Variants in CAAP1 observed in about 807,000 individuals in gnomAD.
CAAP1 encodes conserved anti-apoptotic protein.
CAAP1 carries 20 observed loss-of-function variants against 34.0 expected under a neutral mutation model. That is an observed-to-expected ratio of 0.59 (90% CI 0.41 to 0.86). CAAP1 has a LOEUF of 0.86. CAAP1 is among the 40% of genes least tolerant of loss of function. The pLI is 0.00. For missense variants in CAAP1, 538 were observed against 450.5 expected (o/e 1.19, Z -1.76); for synonymous variants, 213 against 166.7 (o/e 1.28, Z -2.14).
intron 4 of CAAP1, among the ~76,000 whole-genome samples, chr9:26,868,916 C>T (rs914395995): frequency 1.1e-4 from 16 of 152,220 alleles, no homozygotes; most frequent in East Asian, 9.7e-4. Flanking sequence ...AAGACCTTTA[C>T]GGAACATCCG....
chr9:26,886,694 T>C (rs779121245), intron 2 of CAAP1, among the ~76,000 whole-genome samples: 18 of 152,244 alleles, frequency 1.2e-4, no homozygotes, highest in African/African-American at 3.4e-4. Flanking sequence ...CAGCAGCATA[T>C]TGTGACATTA....
chr9:26,878,297 A>G (rs62544409), intron 4 of CAAP1, among the ~76,000 whole-genome samples: 15,981 of 152,224 alleles, frequency 0.1, 1,123 homozygotes, highest in Middle Eastern at 0.25. Context: ...CTAGATATCA[A>G]GATCCTTTAA....
intron 5 of CAAP1, among the ~76,000 whole-genome samples, chr9:26,846,180 A>G (rs1191311080): frequency 6.6e-6 from 1 of 152,154 alleles, no homozygotes; most frequent in Admixed American, 6.5e-5. Flanking sequence ...GCACTTTGAG[A>G]GGCCAAGGCA....
intron 5 of CAAP1, among the ~76,000 whole-genome samples, chr9:26,854,685 A>G (rs1822827336): frequency 6.6e-6 from 1 of 152,234 alleles, no homozygotes; most frequent in African/African-American, 2.4e-5. Flanking sequence ...CAAAATATAT[A>G]GAGACCTCTT....
intron 5 of CAAP1, 87 bp downstream of exon 5, chr9:26,860,979 T>G: frequency 1.1e-6 from 1 of 905,852 alleles, no homozygotes; most frequent in Non-Finnish European, 1.8e-6. Flanking sequence ...TAAAATGGGG[T>G]GAGTTAGACA....
chr9:26,842,174 G>A lies in CAAP1; in HGVS notation c.*127C>T. 1 of 673,492 alleles carries A rather than the reference G, an allele frequency of 1.5e-6. No individual in the cohort carries two copies. The highest frequency in any genetic ancestry group is 2.4e-6 in the Non-Finnish European group (1 of 416,438). The allele number at this position is 673,492 out of a possible 1,614,324, so 41.7% of individuals were successfully genotyped here. The stretch of plus-strand genomic sequence containing the variant: ...AAGAAACAGCCACAGGTAATTTAGG[G>A]CTAAAATGAGTCCTAATAAGGGTTA... On this transcript the variant is annotated 3_prime_UTR_variant, in exon 6 of 6. Transcript: ENST00000333916.
At chr9:26,849,854 T>C (rs1822703020) in intron 5 of CAAP1, among the ~76,000 whole-genome samples, 1 of 152,028 alleles carries the variant, frequency 6.6e-6, no homozygotes, top group Non-Finnish European at 1.5e-5. Context: ...TTTTTTTTTT[T>C]TTGAGATGGA....
At chr9:26,884,127 T>C (rs191097328) in intron 4 of CAAP1, among the ~76,000 whole-genome samples, 4 of 152,320 alleles carry the variant, frequency 2.6e-5, no homozygotes, top group African/African-American at 7.2e-5. Flanking sequence ...TCAGGAAAAA[T>C]GCTAAGCTTT....
At chr9:26,892,228 T>C in intron 1 of CAAP1, 185 bp downstream of exon 1, 1 of 1,441,182 alleles carries the variant, frequency 6.9e-7, no homozygotes, top group Non-Finnish European at 9.1e-7. Flanking sequence ...AAGTTCAAGA[T>C]TCAAGACACG....
chr9:26,891,766 G>C (rs7857466), intron 1 of CAAP1, among the ~76,000 whole-genome samples: 14,396 of 152,212 alleles, frequency 0.095, 1,748 homozygotes, highest in East Asian at 0.65. Context: ...AAAAGAGGCC[G>C]CGTATCAAAA....
At chr9:26,860,578 G>A (rs560155953) in intron 5 of CAAP1, among the ~76,000 whole-genome samples, 1 of 152,186 alleles carries the variant, frequency 6.6e-6, no homozygotes, top group East Asian at 1.9e-4. Context: ...GGATCACAAG[G>A]TCAGGAGATC....
rs1367511102 is a variant in CAAP1 at position 26,841,334 on chromosome 9, TG to T, written c.*966del. 4 of 152,560 alleles carry T rather than the reference TG, an allele frequency of 2.6e-5. No homozygotes were observed. The highest frequency in any genetic ancestry group is 9.7e-5 in the African/African-American group (4 of 41,442). 9.5% of individuals were successfully genotyped at this position (152,560 alleles called of 1,614,324 possible). On this transcript the variant is annotated 3_prime_UTR_variant, in exon 6 of 6. Coordinates refer to ENST00000333916, the MANE Select transcript of CAAP1 (RefSeq NM_024828.4). ...GGTATCAAACAACTGCAATTAGTGA[TG>T]GGGGGATAAAAGCATCCCTAATTGT...
At chr9:26,890,808 C>A (rs1441035436) in intron 1 of CAAP1, among the ~76,000 whole-genome samples, 1 of 151,722 alleles carries the variant, frequency 6.6e-6, no homozygotes, top group Non-Finnish European at 1.5e-5. Context: ...AGCTGGGCGT[C>A]GTGGCGGGCG....
intron 5 of CAAP1, among the ~76,000 whole-genome samples, chr9:26,859,490 T>A (rs1822954738): frequency 6.6e-6 from 1 of 152,148 alleles, no homozygotes; most frequent in Non-Finnish European, 1.5e-5. Flanking sequence ...TATAGAACAT[T>A]CTCTTCTCCT....
intron 4 of CAAP1, among the ~76,000 whole-genome samples, chr9:26,862,784 T>C (rs1467815049): frequency 1.3e-5 from 2 of 152,178 alleles, no homozygotes; most frequent in Non-Finnish European, 2.9e-5. Flanking sequence ...TGGATAAAAG[T>C]ATTTTATCAA....
chr9:26,890,773 G>T (rs1483858419), intron 1 of CAAP1, among the ~76,000 whole-genome samples: 2 of 151,994 alleles, frequency 1.3e-5, no homozygotes, highest in African/African-American at 4.8e-5. Context: ...GTGAAACCCC[G>T]TCTCTACTGA....
chr9:26,880,298 G>T, intron 4 of CAAP1: 1 of 361,526 alleles, frequency 2.8e-6, no homozygotes, highest in Non-Finnish European at 5.3e-6. Flanking sequence ...CGCTCTGGAC[G>T]CACTGGTCTG....
At chr9:26,859,598 G>T (rs1434747099) in intron 5 of CAAP1, among the ~76,000 whole-genome samples, 1 of 152,118 alleles carries the variant, frequency 6.6e-6, no homozygotes, top group Non-Finnish European at 1.5e-5. Flanking sequence ...AATTATACAT[G>T]AGGTGTAATC....
chr9:26,842,625 T>C lies in CAAP1; in HGVS notation c.762A>G (p.Val254=). 2 of 1,608,480 alleles carry C rather than the reference T, an allele frequency of 1.2e-6. No homozygotes were observed. Among genetic ancestry groups the C allele is most frequent in the Non-Finnish European group, 1.7e-6 (2 of 1,177,638 alleles). Residue 254 remains valine, a synonymous_variant, in exon 6 of 6, where the codon GTA becomes GTG. Transcript: ENST00000333916. ...CATAAGCATCTGCATTTATACTGAGTACATCACTATCTTCCCCTTTTCCTG... is the reference window on the plus strand; with the variant it reads ...CATAAGCATCTGCATTTATACTGAGCACATCACTATCTTCCCCTTTTCCTG... ...LKQGKGEDSD[V]LSINADAYDS...
Sources: gnomAD v4.1 joint callset for allele counts (sites outside exome capture counted in the v4.1 genomes callset) on GRCh38, gnomAD v4.1.1 for gene constraint, MANE v1.5 for transcripts, NCBI Gene and HGNC (gene_info 2026-07-23, HGNC 2026-07-21) for gene names.